RORA: variants seen among roughly 807,000 people sequenced by gnomAD.
RORA encodes the protein RAR related orphan receptor A, also known as nuclear receptor ROR-alpha.
In RORA, 7 loss-of-function variants were observed where a neutral mutation model predicts 69.5. The observed-to-expected ratio is 0.10, with a 90% CI of 0.06 to 0.19. RORA has a LOEUF of 0.19. Among genes scored for constraint, RORA ranks in the 10% least tolerant of loss-of-function variants. RORA has a pLI of 1.00. For synonymous variants in RORA, 261 were observed against 240.8 expected (o/e 1.08, Z -0.78); for missense variants, 457 against 663.0 (o/e 0.69, Z 3.41).
At chr15:61,125,041 T>C (rs369673444) in intron 1 of RORA, among the ~76,000 whole-genome samples, 2 of 152,242 alleles carry the variant, frequency 1.3e-5, no homozygotes, top group African/African-American at 4.8e-5. Flanking sequence ...TTGGATTTTT[T>C]CAAATTTAAA....
At position 60,511,281 on chromosome 15, in the gene RORA, G is replaced by C. The variant is rs200808501; in HGVS notation, c.765C>G (p.Pro255=). The part of the protein sequence containing the change: ...CDYTPASGFF[P]YCSFTNGETS... ...TCTCGCCGTTGGTGAACGAACAGTA[G>C]GGAAAGAAGCCTGATGCTGGTGTGT... is the stretch of plus-strand genomic sequence containing the variant. The change falls in exon 5 of 11, where the codon CCC becomes CCG. Residue 255 remains proline, a synonymous_variant. Transcript: ENST00000335670. This position sits in a 1 kb window ranked among gnomAD's most constrained non-coding sequence, Gnocchi z 6.4. 8.7e-6 allele frequency: 14 copies of C among 1,614,198 alleles called. No individual in the cohort carries two copies. The Admixed American group carries it at 2.0e-4, about 23-fold the overall frequency.
intron 1 of RORA, among the ~76,000 whole-genome samples, chr15:61,011,057 CA>C (rs1895071037): frequency 6.6e-6 from 1 of 152,212 alleles, no homozygotes; most frequent in Non-Finnish European, 1.5e-5. Context: ...AGTGCGAAGG[CA>C]AAGGTCATTT....
intron 1 of RORA, among the ~76,000 whole-genome samples, chr15:61,010,447 T>C (rs1054976368): frequency 3.3e-5 from 5 of 152,148 alleles, no homozygotes; most frequent in African/African-American, 1.2e-4. Flanking sequence ...GTGACCTTGG[T>C]CATATTAGGA....
chr15:60,986,344 A>G (rs28623009), intron 1 of RORA, among the ~76,000 whole-genome samples: 33,578 of 152,080 alleles, frequency 0.22, 3,935 homozygotes, highest in African/African-American at 0.28. Flanking sequence ...ATGTTGGCCA[A>G]GCTGGTCTTG....
chr15:60,528,894 C>T (rs1181432870), intron 3 of RORA: 1 of 152,202 alleles, frequency 6.6e-6, no homozygotes, highest in Non-Finnish European at 1.5e-5. Context: ...GCTGGGATTT[C>T]AACTCGGGCA....
Position 61,227,498 on chromosome 15 carries a change from G to C in RORA, c.166+1555C>G, listed in dbSNP as rs539023515. The stretch of plus-strand genomic sequence containing the variant: ...AATCGCCTTTAATTAAATGTTTTTC[G>C]CGTGTGTCATCCTGATGGCTTTTAC... On this transcript the variant is annotated intron_variant, in intron 1 of 10. Coordinates refer to ENST00000335670, the MANE Select transcript of RORA (RefSeq NM_134261.3). Among the ~76,000 whole-genome samples the C allele has an allele frequency of 5.3e-5, 8 of 151,910 alleles. No individual in the cohort carries two copies. The South Asian group carries it at 1.5e-3, about 28-fold the overall frequency.
At chr15:60,636,563 C>G (rs1263057036) in intron 2 of RORA, among the ~76,000 whole-genome samples, 3 of 152,130 alleles carry the variant, frequency 2.0e-5, no homozygotes, top group African/African-American at 4.8e-5. Flanking sequence ...CAGTACAAGA[C>G]ATAGATTTCT....
chr15:60,973,011 A>G (rs898964256), intron 1 of RORA, among the ~76,000 whole-genome samples: 1 of 151,796 alleles, frequency 6.6e-6, no homozygotes, highest in South Asian at 2.1e-4. Context: ...AAAAAAAACA[A>G]TCAATGAGGG....
At chr15:60,903,287 T>C (rs1313420806) in intron 1 of RORA, among the ~76,000 whole-genome samples, 1 of 152,230 alleles carries the variant, frequency 6.6e-6, no homozygotes, top group Non-Finnish European at 1.5e-5. Flanking sequence ...TCTAGACTCT[T>C]CTCATTGCAG....
chr15:60,814,662 G>A (rs2072785742), intron 1 of RORA, among the ~76,000 whole-genome samples: 1 of 152,154 alleles, frequency 6.6e-6, no homozygotes, highest in South Asian at 2.1e-4. Flanking sequence ...ATCAGAAGAG[G>A]AAGCTCCTGA....
chr15:60,771,682 T>C (rs2072078769), intron 1 of RORA, among the ~76,000 whole-genome samples: 1 of 152,200 alleles, frequency 6.6e-6, no homozygotes, highest in African/African-American at 2.4e-5. Context: ...AACTTCATCA[T>C]ATACCTCATT....
chr15:61,024,210 A>G (rs1190171879), intron 1 of RORA, among the ~76,000 whole-genome samples: 4 of 149,502 alleles, frequency 2.7e-5, no homozygotes, highest in Non-Finnish European at 6.0e-5. Flanking sequence ...ATCAGTTGGT[A>G]TTTAAAAAAA....
intron 1 of RORA, among the ~76,000 whole-genome samples, chr15:61,074,749 T>C (rs986391078): frequency 1.4e-4 from 22 of 152,166 alleles, no homozygotes; most frequent in African/African-American, 4.6e-4. Context: ...GGCCAAACTG[T>C]GGACTGCAAC....
At chr15:60,973,933 A>G (rs8029848) in intron 1 of RORA, among the ~76,000 whole-genome samples, 25,690 of 152,216 alleles carry the variant, frequency 0.17, 3,003 homozygotes, top group African/African-American at 0.31. Context: ...ACTTTATACC[A>G]GGGCTTATTT....
At chr15:61,212,099 C>T (rs184146033) in intron 1 of RORA, among the ~76,000 whole-genome samples, 3 of 152,278 alleles carry the variant, frequency 2.0e-5, no homozygotes, top group East Asian at 1.9e-4. Flanking sequence ...TCCTCTCCTA[C>T]GAAGTCTTCC....
intron 1 of RORA, among the ~76,000 whole-genome samples, chr15:61,114,644 T>C (rs925791263): frequency 2.6e-5 from 4 of 152,218 alleles, no homozygotes; most frequent in African/African-American, 7.2e-5. Flanking sequence ...ATGCTAAACC[T>C]GAAAAATGGC....
intron 1 of RORA, among the ~76,000 whole-genome samples, chr15:60,963,273 T>G (rs542986273): frequency 1.3e-5 from 2 of 152,170 alleles, no homozygotes. Flanking sequence ...CTCAAAGGCA[T>G]AGAAGTTAGA....
chr15:61,085,011 G>GC (rs2078601885), intron 1 of RORA, among the ~76,000 whole-genome samples: 1 of 152,052 alleles, frequency 6.6e-6, no homozygotes, highest in Non-Finnish European at 1.5e-5. Context: ...TAACGGGGGA[G>GC]CCCATTTTCC....
At chr15:61,112,653 T>G (rs565971365) in intron 1 of RORA, among the ~76,000 whole-genome samples, 7 of 152,292 alleles carry the variant, frequency 4.6e-5, no homozygotes, top group African/African-American at 1.4e-4. Context: ...ATTGAACACT[T>G]ACCGCAAGCC....
Sources: allele counts gnomAD v4.1 joint callset (sites outside exome capture counted in the v4.1 genomes callset), GRCh38; gene constraint gnomAD v4.1.1; non-coding constraint Gnocchi (gnomAD v3.1); transcripts MANE v1.5; gene names NCBI Gene and HGNC (gene_info 2026-07-23, HGNC 2026-07-21).